Variants in ELAVL2 observed in about 807,000 individuals in gnomAD.
The protein encoded by ELAVL2 is ELAV-like protein 2.
A neutral mutation model predicts 34.6 loss-of-function variants in ELAVL2; 4 were observed. The observed-to-expected ratio is 0.12, with a 90% CI of 0.06 to 0.26. The LOEUF (loss-of-function observed/expected upper bound fraction) is 0.26. Ranked by LOEUF, ELAVL2 falls within the 10% of genes least tolerant of loss-of-function variation. The pLI, the probability that ELAVL2 is intolerant of heterozygous loss-of-function variation, is 1.00. For missense variants in ELAVL2, 432 were observed against 442.8 expected (o/e 0.98, Z 0.22); for synonymous variants, 193 against 154.8 (o/e 1.25, Z -1.83).
At chr9:23,795,278 T>A (rs564995738) in intron 1 of ELAVL2, among the ~76,000 whole-genome samples, 1 of 152,178 alleles carries the variant, frequency 6.6e-6, no homozygotes, top group Non-Finnish European at 1.5e-5. Context: ...GCGTGGTGGC[T>A]CATGCCTGTA....
At chr9:23,847,462 A>C in the ELAVL2 span, 10 of 152,074 alleles carry the variant, frequency 6.6e-5, no homozygotes, top group African/African-American at 2.4e-4. Flanking sequence ...TGCTTAGTTC[A>C]CAAAACTTAA....
intron 2 of ELAVL2, among the ~76,000 whole-genome samples, chr9:23,741,029 G>A (rs1311462294): frequency 6.6e-6 from 1 of 152,166 alleles, no homozygotes; most frequent in Non-Finnish European, 1.5e-5. Context: ...AAACAAGGGA[G>A]AGAGGCAGGC....
chr9:23,820,946 G>A (rs532862392), intron 1 of ELAVL2, among the ~76,000 whole-genome samples: 5 of 152,196 alleles, frequency 3.3e-5, no homozygotes, highest in Admixed American at 2.0e-4. Context: ...TAACGCGCAC[G>A]AGGGGATCAT....
intron 1 of ELAVL2, among the ~76,000 whole-genome samples, chr9:23,809,183 A>G (rs1016179208): frequency 6.6e-6 from 1 of 152,108 alleles, no homozygotes; most frequent in Non-Finnish European, 1.5e-5. Context: ...CTGTTGGCCA[A>G]TTTTATACCA....
chr9:23,734,280 T>G (rs1223733571), intron 2 of ELAVL2, among the ~76,000 whole-genome samples: 2 of 152,326 alleles, frequency 1.3e-5, no homozygotes, highest in East Asian at 3.9e-4. Flanking sequence ...GATACCAAGA[T>G]AGGCAAGCCT....
chr9:23,713,389 T>C (rs1412682652), intron 3 of ELAVL2, among the ~76,000 whole-genome samples: 3 of 152,196 alleles, frequency 2.0e-5, no homozygotes, highest in African/African-American at 4.8e-5. Flanking sequence ...GTAGTGGCAG[T>C]AGGCTAGCCA....
intron 5 of ELAVL2, among the ~76,000 whole-genome samples, chr9:23,693,811 T>C (rs1049152322): frequency 1.3e-5 from 2 of 152,202 alleles, no homozygotes; most frequent in Non-Finnish European, 2.9e-5. Flanking sequence ...AAGTGATCAA[T>C]GTATAGCTAC....
chr9:23,731,981 G>A (rs1587844313), intron 2 of ELAVL2, among the ~76,000 whole-genome samples: 1 of 152,136 alleles, frequency 6.6e-6, no homozygotes, highest in South Asian at 2.1e-4. Context: ...GGAATGCAAA[G>A]ATAACTAAAG....
At chr9:23,758,758 T>C (rs1244273395) in intron 2 of ELAVL2, among the ~76,000 whole-genome samples, 2 of 152,128 alleles carry the variant, frequency 1.3e-5, no homozygotes, top group African/African-American at 4.8e-5. Context: ...CGGGGAACTA[T>C]AATTCAAACA....
chr9:23,800,152 G>A (rs1251360161), intron 1 of ELAVL2, among the ~76,000 whole-genome samples: 1 of 152,032 alleles, frequency 6.6e-6, no homozygotes, highest in African/African-American at 2.4e-5. Flanking sequence ...TAATAATGAG[G>A]GCTTCACCAT....
intron 5 of ELAVL2, among the ~76,000 whole-genome samples, chr9:23,696,153 C>T (rs887699153): frequency 2.0e-5 from 3 of 152,106 alleles, no homozygotes; most frequent in Admixed American, 6.5e-5. Context: ...CCATCACCAA[C>T]GAGTGTAGGG....
chr9:23,788,070 C>A (rs1020221675), intron 1 of ELAVL2, among the ~76,000 whole-genome samples: 20 of 152,132 alleles, frequency 1.3e-4, no homozygotes, highest in African/African-American at 4.8e-4. Flanking sequence ...AAAATTTTTA[C>A]TTTTAAGACT....
chr9:23,777,745 A>G (rs2058449336), intron 1 of ELAVL2, among the ~76,000 whole-genome samples: 1 of 152,182 alleles, frequency 6.6e-6, no homozygotes, highest in Non-Finnish European at 1.5e-5. Context: ...AGGAAGAACA[A>G]CTGCTCTGCA....
At chr9:23,699,063 T>C (rs1314216390) in intron 5 of ELAVL2, among the ~76,000 whole-genome samples, 2 of 152,324 alleles carry the variant, frequency 1.3e-5, no homozygotes, top group Middle Eastern at 3.4e-3. Flanking sequence ...AAAATGTCTT[T>C]CTATAGGAGT....
the ELAVL2 span, among the ~76,000 whole-genome samples, chr9:23,838,750 T>C: frequency 8.5e-5 from 13 of 152,136 alleles, no homozygotes; most frequent in African/African-American, 2.9e-4. Flanking sequence ...AAATGAATCT[T>C]CATTCCCAGC....
chr9:23,815,095 G>A (rs756948169), intron 1 of ELAVL2, among the ~76,000 whole-genome samples: 13 of 152,106 alleles, frequency 8.5e-5, no homozygotes, highest in Non-Finnish European at 1.9e-4. Flanking sequence ...ACTCCATTTT[G>A]TGATGTATAG....
At chr9:23,793,636 C>A (rs535761825) in intron 1 of ELAVL2, among the ~76,000 whole-genome samples, 1 of 152,160 alleles carries the variant, frequency 6.6e-6, no homozygotes, top group African/African-American at 2.4e-5. Flanking sequence ...TTTATGAGAG[C>A]CTGAGCTTCG....
chr9:23,816,391 T>G (rs1015424297), intron 1 of ELAVL2, among the ~76,000 whole-genome samples: 4 of 150,176 alleles, frequency 2.7e-5, no homozygotes, highest in Non-Finnish European at 5.9e-5. Flanking sequence ...TGCTTTGATA[T>G]TTATAAAAGA....
chr9:23,757,789 T>G (rs1021819123), intron 2 of ELAVL2, among the ~76,000 whole-genome samples: 1 of 152,002 alleles, frequency 6.6e-6, no homozygotes, highest in Non-Finnish European at 1.5e-5. Flanking sequence ...GAGAGAAGAT[T>G]ATTGTATTTG....
Sources: allele counts gnomAD v4.1 joint callset (sites outside exome capture counted in the v4.1 genomes callset), GRCh38; gene constraint gnomAD v4.1.1; transcripts MANE v1.5; gene names NCBI Gene and HGNC (gene_info 2026-07-23, HGNC 2026-07-21).